PKP2: variants seen among roughly 807,000 people sequenced by gnomAD.
PKP2 encodes plakophilin-2.
In PKP2, 73 loss-of-function variants were observed where a neutral mutation model predicts 83.4. The observed-to-expected ratio is 0.88, with a 90% CI of 0.72 to 1.06. The LOEUF is 1.06. PKP2 is among the 50% of genes least tolerant of loss of function. PKP2 has a pLI of 0.00. For synonymous variants in PKP2, 409 were observed against 430.4 expected, an observed-to-expected ratio of 0.95 and a Z score of 0.62; for missense variants, 966 against 1,065.4, an observed-to-expected ratio of 0.91 and a Z score of 1.30.
In PKP2 at chr12:32,868,939, T is replaced by C. The variant is rs1346735075; in HGVS notation, c.1158A>G (p.Glu386=). 2 of 1,613,346 alleles carry C rather than the reference T, an allele frequency of 1.2e-6. No individual in the cohort carries two copies. Among genetic ancestry groups the C allele is most frequent in the Non-Finnish European group, 1.7e-6 (2 of 1,180,004 alleles). ...AGATGACACTCACCCTCTTCCGAGC[T>C]TCAGATTTCTGGAAGCACTCGTGCT... ...FIQHECFQKS[E]ARKRVNQLRG... The change falls in exon 4 of 13, where the codon GAA becomes GAG. Residue 386 remains glutamate, a synonymous_variant. Transcript: ENST00000340811.
At chr12:32,864,832 T>A (rs1956832346) in intron 4 of PKP2, among the ~76,000 whole-genome samples, 1 of 152,212 alleles carries the variant, frequency 6.6e-6, no homozygotes, top group African/African-American at 2.4e-5. Context: ...ATAGTCTTCA[T>A]CTTTGCTGAA....
chr12:32,861,656 C>T (rs992414246), intron 4 of PKP2, among the ~76,000 whole-genome samples: 7 of 152,000 alleles, frequency 4.6e-5, no homozygotes, highest in African/African-American at 1.7e-4. Flanking sequence ...AATTTTGATG[C>T]AAAGTAGAAA....
chr12:32,857,379 T>C (rs1205403635), intron 4 of PKP2, among the ~76,000 whole-genome samples: 1 of 151,772 alleles, frequency 6.6e-6, no homozygotes, highest in East Asian at 1.9e-4. Flanking sequence ...TGAGCCATGA[T>C]AGTGCTACTG....
At chr12:32,881,372 A>G (rs1215298144) in intron 1 of PKP2, among the ~76,000 whole-genome samples, 1 of 152,160 alleles carries the variant, frequency 6.6e-6, no homozygotes, top group Admixed American at 6.6e-5. Context: ...TTAATTTTTA[A>G]TCTCTATGGC....
At chr12:32,849,005 TAAAAAA>T (rs397850139) in intron 5 of PKP2, among the ~76,000 whole-genome samples, 1 of 123,000 alleles carries the variant, frequency 8.1e-6, no homozygotes, top group Non-Finnish European at 1.7e-5. Flanking sequence ...ATTACACAGT[TAAAAAA>T]AAAAAAAAAA....
intron 1 of PKP2, among the ~76,000 whole-genome samples, chr12:32,890,885 G>A (rs142034591): frequency 0.025 from 3,849 of 151,244 alleles, 175 homozygotes; most frequent in African/African-American, 0.09. Context: ...GCTTGAACTC[G>A]GGAGGCAGAG....
At chr12:32,864,761 T>C (rs1956831801) in intron 4 of PKP2, among the ~76,000 whole-genome samples, 2 of 152,236 alleles carry the variant, frequency 1.3e-5, no homozygotes, top group African/African-American at 4.8e-5. Context: ...TAACATTACC[T>C]ACTTTTGAGA....
At chr12:32,890,952 CA>C (rs56900611) in intron 1 of PKP2, among the ~76,000 whole-genome samples, 123 of 70,280 alleles carry the variant, frequency 1.8e-3, no homozygotes, top group East Asian at 3.7e-3. Context: ...AAGAGCGAAA[CA>C]AAAAAAAAAA....
intron 4 of PKP2, among the ~76,000 whole-genome samples, chr12:32,860,845 T>G (rs1226781365): frequency 6.6e-6 from 1 of 152,082 alleles, no homozygotes. Flanking sequence ...CTGGCCAGCA[T>G]GGTGAAACCC....
rs142937766 is a variant in PKP2 at position 32,832,635 on chromosome 12, A to G, written c.1556+8393T>C. 8.2e-4 allele frequency among the ~76,000 whole-genome samples: 125 copies of G among 152,286 alleles called. No individual in the cohort carries two copies. The East Asian group carries it at 0.019, about 24-fold the overall frequency. On this transcript the variant is annotated intron_variant, in intron 6 of 12. Transcript: ENST00000340811. ...TGTCTTTCTATTTTTGGGAAAGCCA[A>G]TCTCTGGGGTGAACTATCTAGATAC... is the stretch of plus-strand genomic sequence containing the variant.
chr12:32,802,821 G>A (rs1035202069), intron 9 of PKP2, among the ~76,000 whole-genome samples: 1 of 151,854 alleles, frequency 6.6e-6, no homozygotes, highest in Non-Finnish European at 1.5e-5. Flanking sequence ...ACCACGCCCA[G>A]CTAATTTTTT....
chr12:32,877,805 T>G, intron 3 of PKP2, 41 bp downstream of exon 3: 1 of 1,401,304 alleles, frequency 7.1e-7, no homozygotes, highest in Non-Finnish European at 1.0e-6. Flanking sequence ...GAACAGAATG[T>G]GCTGGCAATG....
chr12:32,805,197 AT>A (rs139603412), intron 9 of PKP2, among the ~76,000 whole-genome samples: 90,787 of 150,180 alleles, frequency 0.6, 29,935 homozygotes, highest in Non-Finnish European at 0.77. Context: ...TAGACTCTGG[AT>A]ATTAGACCTT....
intron 9 of PKP2, among the ~76,000 whole-genome samples, chr12:32,811,057 C>T (rs1186245080): frequency 6.6e-6 from 1 of 152,154 alleles, no homozygotes; most frequent in Non-Finnish European, 1.5e-5. Flanking sequence ...AAAATCTTTG[C>T]AGTCATCATC....
chr12:32,829,970 T>A (rs1227870314), intron 6 of PKP2, among the ~76,000 whole-genome samples: 1 of 152,032 alleles, frequency 6.6e-6, no homozygotes, highest in Non-Finnish European at 1.5e-5. Context: ...CTGGGACCAG[T>A]CTTGAAGTTC....
At chr12:32,848,036 G>A (rs1410800927) in intron 5 of PKP2, among the ~76,000 whole-genome samples, 3 of 152,186 alleles carry the variant, frequency 2.0e-5, no homozygotes, top group Admixed American at 6.6e-5. Flanking sequence ...TTAAATGAAT[G>A]GAATCACTTT....
At chr12:32,792,562 G>T (rs1400031630) in intron 12 of PKP2, 70 bp from the exon 13 acceptor site, 21 of 1,546,672 alleles carry the variant, frequency 1.4e-5, no homozygotes, top group Non-Finnish European at 1.9e-5. Context: ...GTTTTTTAGC[G>T]ATTTCTTCCC....
At chr12:32,834,398 A>T (rs1275999491) in intron 6 of PKP2, among the ~76,000 whole-genome samples, 1 of 152,246 alleles carries the variant, frequency 6.6e-6, no homozygotes, top group Non-Finnish European at 1.5e-5. Flanking sequence ...TGTCATTCTC[A>T]AATTTCTGAT....
intron 6 of PKP2, among the ~76,000 whole-genome samples, chr12:32,833,572 C>T (rs1223209022): frequency 6.6e-6 from 1 of 152,128 alleles, no homozygotes; most frequent in Non-Finnish European, 1.5e-5. Context: ...CAACTCCCCA[C>T]TCCAGCTAGA....
Sources: allele counts gnomAD v4.1 joint callset (sites outside exome capture counted in the v4.1 genomes callset), GRCh38; gene constraint gnomAD v4.1.1; transcripts MANE v1.5; gene names NCBI Gene and HGNC (gene_info 2026-07-23, HGNC 2026-07-21).